Variants in AKT3 observed in about 807,000 individuals in gnomAD.
AKT3 encodes RAC-gamma serine/threonine-protein kinase.
AKT3 carries 15 observed loss-of-function variants against 65.3 expected under a neutral mutation model. The observed-to-expected ratio is 0.23, with a 90% CI of 0.15 to 0.35. The LOEUF is 0.35. AKT3 is among the 10% of genes least tolerant of loss of function. The probability of loss-of-function intolerance (pLI) is 1.00; values close to 1 mark genes in which losing one functional copy is unlikely to be tolerated. For missense variants in AKT3, 243 were observed against 576.5 expected, an observed-to-expected ratio of 0.42 and a Z score of 5.92; for synonymous variants, 206 against 183.8, an observed-to-expected ratio of 1.12 and a Z score of -0.98.
intron 6 of AKT3, among the ~76,000 whole-genome samples, chr1:243,626,598 C>T (rs1484673042): frequency 6.6e-6 from 1 of 152,144 alleles, no homozygotes; most frequent in Non-Finnish European, 1.5e-5. Context: ...CTAGTAGGGA[C>T]TGAAGGCCAT....
intron 10 of AKT3, among the ~76,000 whole-genome samples, chr1:243,561,693 T>C (rs1403463641): frequency 6.6e-6 from 1 of 152,198 alleles, no homozygotes; most frequent in African/African-American, 2.4e-5. Flanking sequence ...TATTTGCCTA[T>C]AGCCACAATA....
chr1:243,818,834 A>G (rs1159823551), intron 2 of AKT3, among the ~76,000 whole-genome samples: 1 of 152,026 alleles, frequency 6.6e-6, no homozygotes, highest in Non-Finnish European at 1.5e-5. Context: ...GGTTCTCTCC[A>G]TGGGACTGAC....
At chr1:243,787,821 A>G (rs947863855) in intron 2 of AKT3, among the ~76,000 whole-genome samples, 1 of 152,154 alleles carries the variant, frequency 6.6e-6, no homozygotes, top group East Asian at 1.9e-4. Flanking sequence ...TGAGGAACCT[A>G]GGCCAGGTAC....
At chr1:243,702,588 T>C (rs1685537143) in intron 2 of AKT3, among the ~76,000 whole-genome samples, 1 of 152,218 alleles carries the variant, frequency 6.6e-6, no homozygotes, top group African/African-American at 2.4e-5. Context: ...GATAATATAA[T>C]TTATAATCCA....
At chr1:243,562,711 G>A (rs1558617165) in intron 10 of AKT3, among the ~76,000 whole-genome samples, 1 of 152,084 alleles carries the variant, frequency 6.6e-6, no homozygotes, top group Non-Finnish European at 1.5e-5. Flanking sequence ...CCCAAATAAG[G>A]TACCAGTGGA....
intron 12 of AKT3, among the ~76,000 whole-genome samples, chr1:243,539,232 T>G (rs1244227074): frequency 6.6e-6 from 1 of 152,126 alleles, no homozygotes; most frequent in Admixed American, 6.6e-5. Context: ...CTCCTCCTCC[T>G]CAGCCTACTT....
rs186220879 is a variant in AKT3, at chr1:243,689,794, A to C, written c.172+5797T>G. 4.6e-4 allele frequency among the ~76,000 whole-genome samples: 70 copies of C among 152,120 alleles called. 1 individual carries two copies. In the East Asian group the frequency reaches 0.013, roughly 28 times the overall value. ...ATGGTGAAACCCTGTCTCTACAAAA[A>C]ACTGGCCAGATGAGGTGGCATGCAG... On this transcript the variant is annotated intron_variant, in intron 3 of 13. Coordinates refer to ENST00000673466, the MANE Select transcript of AKT3 (RefSeq NM_005465.7).
intron 3 of AKT3, among the ~76,000 whole-genome samples, chr1:243,680,714 A>G (rs549621714): frequency 1.3e-5 from 2 of 152,318 alleles, no homozygotes; most frequent in Admixed American, 1.3e-4. Flanking sequence ...CAATGATTAT[A>G]TAACTTACTG....
intron 2 of AKT3, among the ~76,000 whole-genome samples, chr1:243,804,381 A>G (rs1692585345): frequency 6.6e-6 from 1 of 152,198 alleles, no homozygotes; most frequent in African/African-American, 2.4e-5. Context: ...GGTTATTCTA[A>G]ATCTTTATGT....
chr1:243,687,751 T>C (rs2147999620), intron 3 of AKT3: 1 of 152,324 alleles, frequency 6.6e-6, no homozygotes, highest in African/African-American at 2.4e-5. Context: ...TGTGACATTG[T>C]TACATTATAG....
chr1:243,621,177 GA>G (rs981414010), intron 6 of AKT3, among the ~76,000 whole-genome samples: 1 of 152,096 alleles, frequency 6.6e-6, no homozygotes, highest in African/African-American at 2.4e-5. Flanking sequence ...GCTAAGACTA[GA>G]ACCCAGGTCT....
At chr1:243,525,414 G>A (rs890993317) in intron 12 of AKT3, among the ~76,000 whole-genome samples, 1 of 151,522 alleles carries the variant, frequency 6.6e-6, no homozygotes, top group Non-Finnish European at 1.5e-5. Flanking sequence ...AGACATCAAA[G>A]GAAACTGATG....
At chr1:243,515,073 T>C (rs930354272) in intron 12 of AKT3, among the ~76,000 whole-genome samples, 5 of 152,254 alleles carry the variant, frequency 3.3e-5, no homozygotes, top group African/African-American at 7.2e-5. Flanking sequence ...TTATCTGGCT[T>C]GTTCATTTAG....
intron 10 of AKT3, among the ~76,000 whole-genome samples, chr1:243,554,941 T>TA (rs1170077877): frequency 1.3e-5 from 2 of 151,722 alleles, no homozygotes; most frequent in Non-Finnish European, 2.9e-5. Flanking sequence ...AGTGAGTACA[T>TA]AAAAAAGGGG....
Position 243,764,179 on chromosome 1 carries a change from T to C in AKT3, c.47-68463A>G, listed in dbSNP as rs542116295. Reference sequence around the variant, plus strand: ...TATTTGCAAAATTCTCATGTCAAAATTTTCTCTACCAAGGTGTTAAGATAC... The same window carrying C: ...TATTTGCAAAATTCTCATGTCAAAACTTTCTCTACCAAGGTGTTAAGATAC... On this transcript the variant is annotated intron_variant, in intron 2 of 13. Coordinates refer to ENST00000673466, the MANE Select transcript of AKT3 (RefSeq NM_005465.7). 5.3e-5 allele frequency among the ~76,000 whole-genome samples: 8 copies of C among 152,244 alleles called. No individual in the cohort carries two copies. The South Asian group carries it at 1.7e-3, about 32-fold the overall frequency.
At chr1:243,535,200 T>TAATTATAAAAAA (rs1671833748) in intron 12 of AKT3, among the ~76,000 whole-genome samples, 3 of 146,250 alleles carry the variant, frequency 2.1e-5, no homozygotes, top group Non-Finnish European at 4.5e-5. Context: ...TAAAATATAT[T>TAATTATAAAAAA]TTAAAATTAT....
At chr1:243,664,423 C>A (rs938787033) in intron 4 of AKT3, among the ~76,000 whole-genome samples, 2 of 151,606 alleles carry the variant, frequency 1.3e-5, no homozygotes, top group Admixed American at 1.3e-4. Context: ...CCAGGATAGT[C>A]TCGATCTCCT....
At chr1:243,776,350 C>T (rs995113015) in intron 2 of AKT3, among the ~76,000 whole-genome samples, 7 of 152,200 alleles carry the variant, frequency 4.6e-5, no homozygotes, top group African/African-American at 9.6e-5. Context: ...TGTTGAAACG[C>T]TAACCCCCTA....
chr1:243,608,527 T>C (rs553843221), intron 8 of AKT3, among the ~76,000 whole-genome samples: 24 of 152,260 alleles, frequency 1.6e-4, no homozygotes, highest in African/African-American at 5.3e-4. Flanking sequence ...TTTGGTATTA[T>C]GAACTTACCA....
Sources: allele counts gnomAD v4.1 joint callset (sites outside exome capture counted in the v4.1 genomes callset), GRCh38; gene constraint gnomAD v4.1.1; transcripts MANE v1.5; gene names NCBI Gene and HGNC (gene_info 2026-07-23, HGNC 2026-07-21).